DOCK3: variants seen among roughly 807,000 people sequenced by gnomAD.
DOCK3 encodes dedicator of cytokinesis 3.
DOCK3 carries 60 observed loss-of-function variants against 265.6 expected under a neutral mutation model. That is an observed-to-expected ratio of 0.23 (90% CI 0.18 to 0.28). The LOEUF is 0.28. Among genes scored for constraint, DOCK3 ranks in the 10% least tolerant of loss-of-function variants. The pLI is 1.00. For synonymous variants in DOCK3, 881 were observed against 938.0 expected (o/e 0.94, Z 1.11); for missense variants, 1,981 against 2,594.3 (o/e 0.76, Z 5.14).
chr3:50,980,354 T>C, intron 5 of DOCK3, among the ~76,000 whole-genome samples: 1 of 152,206 alleles, frequency 6.6e-6, no homozygotes, highest in Non-Finnish European at 1.5e-5. Flanking sequence ...TTGCATACAG[T>C]TTGCTAGTAT....
intron 3 of DOCK3, among the ~76,000 whole-genome samples, chr3:50,888,951 T>C (rs934133399): frequency 6.6e-6 from 1 of 152,006 alleles, no homozygotes; most frequent in African/African-American, 2.4e-5. Context: ...ATGCTGTCTT[T>C]TATTATGAGC....
chr3:51,183,571 T>C (rs1376907126), intron 12 of DOCK3, among the ~76,000 whole-genome samples: 1 of 152,214 alleles, frequency 6.6e-6, no homozygotes, highest in Non-Finnish European at 1.5e-5. Flanking sequence ...TTTAATATTC[T>C]GCAATTAAAG....
chr3:50,840,044 G>A (rs1215430713), intron 2 of DOCK3, among the ~76,000 whole-genome samples: 1 of 151,888 alleles, frequency 6.6e-6, no homozygotes, highest in Non-Finnish European at 1.5e-5. Flanking sequence ...TGGGATTACA[G>A]GTGTGAGCCA....
At chr3:51,343,921 G>A (rs889865909) in intron 38 of DOCK3, among the ~76,000 whole-genome samples, 1 of 152,240 alleles carries the variant, frequency 6.6e-6, no homozygotes, top group African/African-American at 2.4e-5. Flanking sequence ...CTGGTCCACA[G>A]ACAGTCAGCT....
At chr3:51,276,603 A>C in intron 25 of DOCK3, 1 of 209,452 alleles carries the variant, frequency 4.8e-6, no homozygotes, top group Non-Finnish European at 8.3e-6. Flanking sequence ...CAAATTCTTC[A>C]TGTGGAATGG....
At chr3:50,683,341 G>T (rs1228847558) in intron 1 of DOCK3, among the ~76,000 whole-genome samples, 1 of 152,172 alleles carries the variant, frequency 6.6e-6, no homozygotes, top group African/African-American at 2.4e-5. Flanking sequence ...GCTTAAGTTT[G>T]TGATCCAAGA....
At chr3:51,137,971 G>A (rs1576205511) in intron 9 of DOCK3, among the ~76,000 whole-genome samples, 1 of 152,144 alleles carries the variant, frequency 6.6e-6, no homozygotes, top group African/African-American at 2.4e-5. Context: ...TGAAGAATAC[G>A]AGTACTTGCT....
At chr3:51,303,001 T>C (rs902810962) in intron 27 of DOCK3, among the ~76,000 whole-genome samples, 1 of 152,210 alleles carries the variant, frequency 6.6e-6, no homozygotes, top group East Asian at 1.9e-4. Context: ...CTGGGTGATA[T>C]CCTGAAGTAT....
chr3:51,053,633 G>A (rs1051471469), intron 5 of DOCK3, among the ~76,000 whole-genome samples: 1 of 151,964 alleles, frequency 6.6e-6, no homozygotes, highest in Non-Finnish European at 1.5e-5. Flanking sequence ...GTGTCAGCAA[G>A]GATGGTCTCT....
chr3:50,887,666 A>G (rs1487181232), intron 3 of DOCK3, among the ~76,000 whole-genome samples: 1 of 111,266 alleles, frequency 9.0e-6, no homozygotes, highest in Non-Finnish European at 1.8e-5. Flanking sequence ...CTTATCCACC[A>G]TGATCAAGTC....
intron 1 of DOCK3, among the ~76,000 whole-genome samples, chr3:50,773,964 T>C (rs560039838): frequency 6.6e-6 from 1 of 152,218 alleles, no homozygotes; most frequent in Admixed American, 6.5e-5. Context: ...GTTCAGAATT[T>C]ATCTTCCATT....
rs981689154 is a variant in DOCK3 at position 51,061,853 on chromosome 3, G to A, written c.316-2595G>A. 2.6e-5 allele frequency among the ~76,000 whole-genome samples: 4 copies of A among 152,050 alleles called. No individual in the cohort carries two copies. In the South Asian group the frequency reaches 6.2e-4, roughly 24 times the overall value. On this transcript the variant is annotated intron_variant, in intron 5 of 52. Coordinates refer to ENST00000266037, the MANE Select transcript of DOCK3 (RefSeq NM_004947.5). ...CTTCTCACTTTCCTAACCTCTGAAT[G>A]TTGGAAATCAGTGTCAGACTTAGCA...
At chr3:50,685,881 T>C (rs1013201903) in intron 1 of DOCK3, 1 of 154,204 alleles carries the variant, frequency 6.5e-6, no homozygotes, top group Non-Finnish European at 1.5e-5. Flanking sequence ...CATTTTCTAA[T>C]TGAGTTGTTT....
At chr3:50,708,625 G>A (rs984178470) in intron 1 of DOCK3, among the ~76,000 whole-genome samples, 4 of 152,194 alleles carry the variant, frequency 2.6e-5, no homozygotes, top group Non-Finnish European at 5.9e-5. Context: ...CCATTGTGTG[G>A]GCTCCTGAGA....
intron 1 of DOCK3, among the ~76,000 whole-genome samples, chr3:50,725,352 A>G (rs1434632975): frequency 6.6e-6 from 1 of 152,218 alleles, no homozygotes; most frequent in Non-Finnish European, 1.5e-5. Flanking sequence ...CTAAAGTACT[A>G]AAAACACAAG....
intron 3 of DOCK3, among the ~76,000 whole-genome samples, chr3:50,878,360 G>A (rs910913699): frequency 6.6e-6 from 1 of 152,194 alleles, no homozygotes; most frequent in African/African-American, 2.4e-5. Context: ...TGAACCCATT[G>A]CAAAGAAGCT....
intron 1 of DOCK3, among the ~76,000 whole-genome samples, chr3:50,767,915 C>CTCTT (rs1553652206): frequency 6.6e-6 from 1 of 151,938 alleles, no homozygotes; most frequent in Non-Finnish European, 1.5e-5. Context: ...ATTTGGCTCT[C>CTCTT]TGTCCGTTAT....
intron 1 of DOCK3, among the ~76,000 whole-genome samples, chr3:50,719,112 G>A (rs1282776094): frequency 2.6e-5 from 4 of 151,856 alleles, no homozygotes; most frequent in African/African-American, 4.8e-5. Flanking sequence ...TCAGTTTGGG[G>A]AAAATATCAG....
chr3:51,008,612 C>T (rs1407471409), intron 5 of DOCK3, among the ~76,000 whole-genome samples: 1 of 152,100 alleles, frequency 6.6e-6, no homozygotes, highest in Non-Finnish European at 1.5e-5. Context: ...AATTCAATAC[C>T]CTTTATTTCT....
Sources: gnomAD v4.1 joint callset for allele counts (sites outside exome capture counted in the v4.1 genomes callset) on GRCh38, gnomAD v4.1.1 for gene constraint, MANE v1.5 for transcripts, NCBI Gene and HGNC (gene_info 2026-07-23, HGNC 2026-07-21) for gene names.